CLSTN2: variants seen among roughly 807,000 people sequenced by gnomAD.
The protein encoded by CLSTN2 is calsyntenin 2.
CLSTN2 carries 48 observed loss-of-function variants against 101.2 expected under a neutral mutation model. The ratio of observed to expected loss-of-function variants is 0.47; its 90% CI spans 0.38 to 0.60. CLSTN2 has a LOEUF of 0.60. CLSTN2 is among the 20% of genes least tolerant of loss of function. The pLI is 0.00. For missense variants in CLSTN2, 1,160 were observed against 1,238.2 expected (o/e 0.94, Z 0.95); for synonymous variants, 481 against 463.6 (o/e 1.04, Z -0.48).
intron 1 of CLSTN2, among the ~76,000 whole-genome samples, chr3:140,034,078 T>G (rs2007609263): frequency 6.6e-6 from 1 of 152,212 alleles, no homozygotes; most frequent in Admixed American, 6.5e-5. Flanking sequence ...TTAAAAACAT[T>G]TCTATGCTCT....
chr3:140,415,907 T>C (rs561772120), intron 4 of CLSTN2, among the ~76,000 whole-genome samples: 66 of 152,374 alleles, frequency 4.3e-4, no homozygotes, highest in Non-Finnish European at 7.8e-4. Context: ...CACTCCCATA[T>C]TTATTGCAGC....
At chr3:140,555,730 C>A (rs1207448222) in intron 10 of CLSTN2, among the ~76,000 whole-genome samples, 1 of 152,092 alleles carries the variant, frequency 6.6e-6, no homozygotes, top group African/African-American at 2.4e-5. Context: ...TAATTCAGGG[C>A]AGTACAAAGG....
intron 1 of CLSTN2, among the ~76,000 whole-genome samples, chr3:140,169,977 A>T (rs963225188): frequency 1.3e-5 from 2 of 152,220 alleles, no homozygotes; most frequent in Admixed American, 1.3e-4. Context: ...TAATGATGGG[A>T]TGATTTACAA....
chr3:140,257,328 C>G (rs1465624568), intron 2 of CLSTN2, among the ~76,000 whole-genome samples: 1 of 151,968 alleles, frequency 6.6e-6, no homozygotes, highest in Admixed American at 6.6e-5. Context: ...ACACTGTGGA[C>G]AAGACATAAG....
intron 1 of CLSTN2, among the ~76,000 whole-genome samples, chr3:139,991,041 G>A (rs1039544190): frequency 3.9e-5 from 6 of 152,110 alleles, no homozygotes; most frequent in Non-Finnish European, 8.8e-5. Context: ...TAGTACAGGT[G>A]GCACATAGCT....
At chr3:139,967,113 C>A (rs1393082192) in intron 1 of CLSTN2, among the ~76,000 whole-genome samples, 1 of 152,118 alleles carries the variant, frequency 6.6e-6, no homozygotes, top group Non-Finnish European at 1.5e-5. Context: ...ACCCCTGGGC[C>A]AGTGCTCCTA....
At chr3:140,123,905 A>T (rs1466841792) in intron 1 of CLSTN2, among the ~76,000 whole-genome samples, 3 of 151,940 alleles carry the variant, frequency 2.0e-5, no homozygotes, top group African/African-American at 2.4e-5. Context: ...TCAGATTAGA[A>T]CTCTACCCTC....
chr3:140,103,974 GGGAACTGT>G (rs2009011183), intron 1 of CLSTN2, among the ~76,000 whole-genome samples: 1 of 152,184 alleles, frequency 6.6e-6, no homozygotes, highest in African/African-American at 2.4e-5. Flanking sequence ...AGAAAGGAGA[GGGAACTGT>G]GAAAGCTGAT....
At chr3:140,329,978 G>A (rs2087366827) in intron 2 of CLSTN2, among the ~76,000 whole-genome samples, 1 of 152,234 alleles carries the variant, frequency 6.6e-6, no homozygotes, top group Non-Finnish European at 1.5e-5. Flanking sequence ...CTGGCAGGAT[G>A]TGATGCCAGC....
At chr3:140,401,102 T>G (rs527868692) in intron 2 of CLSTN2, among the ~76,000 whole-genome samples, 158 of 152,392 alleles carry the variant, frequency 1.0e-3, no homozygotes, top group African/African-American at 3.6e-3. Flanking sequence ...TACCAGTGCT[T>G]GGCACATAGT....
intron 5 of CLSTN2, among the ~76,000 whole-genome samples, chr3:140,426,969 G>A (rs1467745049): frequency 6.6e-6 from 1 of 151,854 alleles, no homozygotes; most frequent in Non-Finnish European, 1.5e-5. Context: ...GAGGCCAGGA[G>A]TTTGAAACCG....
chr3:140,132,792 C>G (rs1272868542), intron 1 of CLSTN2, among the ~76,000 whole-genome samples: 2 of 152,150 alleles, frequency 1.3e-5, no homozygotes, highest in Non-Finnish European at 2.9e-5. Flanking sequence ...ATAATCACTT[C>G]CTTGTAATTA....
intron 2 of CLSTN2, among the ~76,000 whole-genome samples, chr3:140,402,000 A>G (rs901868216): frequency 3.9e-5 from 6 of 152,148 alleles, no homozygotes; most frequent in Admixed American, 1.3e-4. Flanking sequence ...CCACAAGTAC[A>G]TTGAGAAATG....
At chr3:140,213,166 ACTC>A (rs2010878780) in intron 2 of CLSTN2, among the ~76,000 whole-genome samples, 1 of 152,134 alleles carries the variant, frequency 6.6e-6, no homozygotes, top group Admixed American at 6.5e-5. Context: ...ATGAAGTTAA[ACTC>A]CTCTCTGACT....
chr3:140,210,293 C>A lies in CLSTN2; in HGVS notation c.232+34220C>A, dbSNP rs546754116. On this transcript the variant is annotated intron_variant, in intron 2 of 16. Transcript: ENST00000458420. Reference sequence around the variant, plus strand: ...GCTTACTAAAACCAATTCTCACATCCCATGAATGATCATATTATGTTTGCA... The same window carrying A: ...GCTTACTAAAACCAATTCTCACATCACATGAATGATCATATTATGTTTGCA... Among the ~76,000 whole-genome samples the A allele has an allele frequency of 2.0e-5, 3 of 152,292 alleles. No homozygotes were observed. In the South Asian group the frequency reaches 6.2e-4, roughly 32 times the overall value.
Position 140,563,970 on chromosome 3 carries a change from G to A in CLSTN2, c.2492G>A (p.Ser831Asn). ...SSIQHSSVVPSIATVVIIISV... is the reference protein window; with the variant it reads ...SSIQHSSVVPNIATVVIIISV... ...TTTTTCCTTGTTCCAGTGGTCCCAA[G>A]CATTGCCACAGTGGTCATCATCATC... Residue 831 changes from serine to asparagine, a missense_variant, in exon 16 of 17, where the codon AGC becomes AAC. Physicochemically the swap from Ser to Asn is conservative, Grantham distance 46. Coordinates refer to ENST00000458420, the MANE Select transcript of CLSTN2 (RefSeq NM_022131.3). The A allele has an allele frequency of 6.2e-7, 1 of 1,613,972 alleles. No individual in the cohort carries two copies. The highest frequency in any genetic ancestry group is 8.5e-7 in the Non-Finnish European group (1 of 1,179,886).
At chr3:140,013,069 G>A (rs1044591854) in intron 1 of CLSTN2, among the ~76,000 whole-genome samples, 1 of 152,214 alleles carries the variant, frequency 6.6e-6, no homozygotes, top group Non-Finnish European at 1.5e-5. Context: ...CCTGCTCAAT[G>A]GATGGATGAG....
chr3:139,997,131 A>G (rs942650308), intron 1 of CLSTN2, among the ~76,000 whole-genome samples: 3 of 152,080 alleles, frequency 2.0e-5, no homozygotes, highest in Non-Finnish European at 4.4e-5. Flanking sequence ...ATTTTAAAAA[A>G]TAGTTTTCAT....
chr3:140,222,884 A>AAAAC (rs1553723405), intron 2 of CLSTN2, among the ~76,000 whole-genome samples: 44 of 151,430 alleles, frequency 2.9e-4, no homozygotes, highest in African/African-American at 1.0e-3. Context: ...GAAAAAAAAA[A>AAAAC]AAAACACTGC....
Sources: allele counts gnomAD v4.1 joint callset (sites outside exome capture counted in the v4.1 genomes callset), GRCh38; gene constraint gnomAD v4.1.1; transcripts MANE v1.5; gene names NCBI Gene and HGNC (gene_info 2026-07-23, HGNC 2026-07-21).